Variants in SGCG observed in about 807,000 individuals in gnomAD.
The protein encoded by SGCG is gamma-sarcoglycan.
Under a neutral mutation model 29.3 loss-of-function variants are expected in SGCG, and 26 were observed. The observed-to-expected ratio is 0.89, with a 90% confidence interval of 0.65 to 1.23. The LOEUF (loss-of-function observed/expected upper bound fraction) is 1.23. Ranked by LOEUF, SGCG falls within the 50% of genes most tolerant of loss-of-function variation. The pLI is 0.00. For synonymous variants in SGCG, 145 were observed against 129.7 expected, an observed-to-expected ratio of 1.12 and a Z score of -0.80; for missense variants, 353 against 356.0, an observed-to-expected ratio of 0.99 and a Z score of 0.07.
At chr13:23,200,109 T>C (rs1877680016) in intron 1 of SGCG, among the ~76,000 whole-genome samples, 1 of 133,578 alleles carries the variant, frequency 7.5e-6, no homozygotes, top group Non-Finnish European at 1.6e-5. Context: ...TTTTATTGCT[T>C]GTTGTACGCT....
At chr13:23,204,006 G>T (rs896577405) in intron 2 of SGCG, 117 bp downstream of exon 2, 16 of 822,086 alleles carry the variant, frequency 1.9e-5, no homozygotes, top group Non-Finnish European at 2.9e-5. Context: ...TTGCTGTCTG[G>T]CTCTGAATTT....
At chr13:23,308,550 T>C (rs571063353) in intron 6 of SGCG, among the ~76,000 whole-genome samples, 1 of 152,256 alleles carries the variant, frequency 6.6e-6, no homozygotes, top group African/African-American at 2.4e-5. Context: ...TGGCTGTTTT[T>C]AGACATTTAT....
In SGCG at chr13:23,278,219, G is replaced by A. The variant is rs149991261; in HGVS notation, c.386-1140G>A. 7.7e-3 allele frequency among the ~76,000 whole-genome samples: 1,168 copies of A among 152,108 alleles called. 18 individuals are homozygous for A. The highest frequency in any genetic ancestry group is 0.026 in the African/African-American group (1,080 of 41,528). On this transcript the variant is annotated intron_variant, in intron 4 of 7. Coordinates refer to ENST00000218867, the MANE Select transcript of SGCG (RefSeq NM_000231.3). ...AGCACTTTGGGAGGCCAAGGCTGGC[G>A]GATCACCTGAGGTTAGGAGTTCGAG... is the stretch of plus-strand genomic sequence containing the variant.
At chr13:23,296,608 A>G (rs907825561) in intron 6 of SGCG, among the ~76,000 whole-genome samples, 2 of 151,676 alleles carry the variant, frequency 1.3e-5, no homozygotes, top group Non-Finnish European at 2.9e-5. Flanking sequence ...TCACCCCGGC[A>G]CTCACCATTC....
chr13:23,248,715 G>A (rs990303333), intron 3 of SGCG, among the ~76,000 whole-genome samples: 3 of 144,562 alleles, frequency 2.1e-5, no homozygotes, highest in African/African-American at 7.8e-5. Flanking sequence ...AAAAAAGGCC[G>A]GGTTCGGTGG....
rs1879931615 is a variant in SGCG, at chr13:23,250,735, A to G, written c.385+18A>G. 2 of 1,469,048 alleles carry G rather than the reference A, an allele frequency of 1.4e-6. No individual in the cohort carries two copies. The highest frequency in any genetic ancestry group is 2.3e-5 in the South Asian group (2 of 87,848). 91.0% of individuals were successfully genotyped at this position (1,469,048 alleles called of 1,614,324 possible). A position where few individuals can be genotyped will look rare whatever the true frequency, so the allele number is the denominator to read the frequency against. On this transcript the variant is annotated intron_variant, in intron 4 of 7. Transcript: ENST00000218867. ...AAAAGTCGGTGAGTCCAGCTTCATC[A>G]TGGTGCTTTGCATGCATGTTGTCCA...
At position 23,320,603 on chromosome 13, in the gene SGCG, T is replaced by G. The variant is rs540938640; in HGVS notation, c.579-34T>G. On this transcript the variant is annotated intron_variant, in intron 6 of 7. Coordinates refer to ENST00000218867, the MANE Select transcript of SGCG (RefSeq NM_000231.3). ...GGAGTGGCTATTTTTAATACTTTTT[T>G]TTTTTTTTTTTGTGCTTCTTTTCCT... 2,149 of 1,494,266 alleles carry G rather than the reference T, an allele frequency of 1.4e-3. 77 individuals are homozygous for G. The South Asian group carries it at 0.023, about 16-fold the overall frequency. 92.6% of individuals were successfully genotyped at this position (1,494,266 alleles called of 1,614,324 possible). A position where few individuals can be genotyped will look rare whatever the true frequency, so the allele number is the denominator to read the frequency against.
intron 6 of SGCG, among the ~76,000 whole-genome samples, chr13:23,297,558 G>A (rs1424739975): frequency 6.6e-6 from 1 of 152,216 alleles, no homozygotes; most frequent in Admixed American, 6.5e-5. Context: ...TGTCCTTAAG[G>A]CACAGATTGC....
At chr13:23,201,462 G>T (rs1877760387) in intron 1 of SGCG, among the ~76,000 whole-genome samples, 1 of 152,054 alleles carries the variant, frequency 6.6e-6, no homozygotes, top group South Asian at 2.1e-4. Context: ...TATCACGGGG[G>T]TCCCTGTGAG....
intron 6 of SGCG, among the ~76,000 whole-genome samples, chr13:23,299,196 T>C (rs1393794575): frequency 1.3e-5 from 2 of 151,734 alleles, no homozygotes; most frequent in African/African-American, 4.8e-5. Context: ...CCCATGTACA[T>C]CCAGTTTGCT....
At chr13:23,321,670 T>A (rs528645962) in intron 7 of SGCG, among the ~76,000 whole-genome samples, 1 of 152,294 alleles carries the variant, frequency 6.6e-6, no homozygotes, top group African/African-American at 2.4e-5. Context: ...CAAGATTCCA[T>A]CACGCTAGTC....
At chr13:23,222,628 C>A (rs1267822486) in intron 2 of SGCG, among the ~76,000 whole-genome samples, 1 of 151,824 alleles carries the variant, frequency 6.6e-6, no homozygotes, top group African/African-American at 2.4e-5. Context: ...GAGTTTGAGA[C>A]CACCCTGGCC....
At chr13:23,289,588 T>A (rs1461871683) in intron 5 of SGCG, among the ~76,000 whole-genome samples, 1 of 152,060 alleles carries the variant, frequency 6.6e-6, no homozygotes, top group Non-Finnish European at 1.5e-5. Context: ...TGGCTGGATT[T>A]ATTGTTTATA....
chr13:23,270,837 C>A (rs1178435804), intron 4 of SGCG, among the ~76,000 whole-genome samples: 3 of 152,122 alleles, frequency 2.0e-5, no homozygotes, highest in Non-Finnish European at 4.4e-5. Context: ...ACTTAGTTCC[C>A]TAATTTATGT....
chr13:23,269,449 G>A (rs184408436), intron 4 of SGCG, among the ~76,000 whole-genome samples: 3 of 152,198 alleles, frequency 2.0e-5, no homozygotes, highest in East Asian at 1.9e-4. Context: ...TCTTCATCCC[G>A]TCTGCCTCAG....
chr13:23,178,817 G>A (rs553086592), upstream of SGCG, among the ~76,000 whole-genome samples: 22 of 152,126 alleles, frequency 1.4e-4, no homozygotes, highest in African/African-American at 4.8e-4. Flanking sequence ...GTGATCCCCC[G>A]AACCCAACCA....
chr13:23,229,392 G>C (rs935764594), intron 2 of SGCG, among the ~76,000 whole-genome samples: 9 of 152,162 alleles, frequency 5.9e-5, no homozygotes, highest in Admixed American at 2.6e-4. Context: ...TTTCCACAAT[G>C]CTTGAACTAA....
intron 5 of SGCG, among the ~76,000 whole-genome samples, chr13:23,290,697 G>T (rs17078563): frequency 4.7e-4 from 71 of 152,172 alleles, no homozygotes; most frequent in African/African-American, 1.6e-3. Context: ...TGAAAAGACC[G>T]TATCAGTCCA....
At chr13:23,316,817 T>C (rs1317079045) in intron 6 of SGCG, among the ~76,000 whole-genome samples, 1 of 152,168 alleles carries the variant, frequency 6.6e-6, no homozygotes, top group African/African-American at 2.4e-5. Context: ...AAGTTAAGAT[T>C]GCCACCTGGA....
Sources: allele counts gnomAD v4.1 joint callset (sites outside exome capture counted in the v4.1 genomes callset), GRCh38; gene constraint gnomAD v4.1.1; transcripts MANE v1.5; gene names NCBI Gene and HGNC (gene_info 2026-07-23, HGNC 2026-07-21).